Variants in IREB2 observed in about 807,000 individuals in gnomAD.
IREB2 encodes iron responsive element binding protein 2, also known as iron-responsive element-binding protein 2.
IREB2 carries 39 observed loss-of-function variants against 118.8 expected under a neutral mutation model. The observed-to-expected ratio is 0.33, with a 90% confidence interval of 0.25 to 0.43. The LOEUF is 0.43. IREB2 is among the 20% of genes least tolerant of loss of function. The pLI is 1.00. For synonymous variants in IREB2, 372 were observed against 392.2 expected, an observed-to-expected ratio of 0.95 and a Z score of 0.61; for missense variants, 900 against 1,147.3, an observed-to-expected ratio of 0.78 and a Z score of 3.11.
chr15:78,450,412 C>A (rs10519198), intron 2 of IREB2, among the ~76,000 whole-genome samples: 55,509 of 152,106 alleles, frequency 0.36, 10,851 homozygotes, highest in East Asian at 0.48. Context: ...TCAGAACTCA[C>A]TGGAATAGGT....
chr15:78,438,591 G>A, intron 1 of IREB2: 2 of 559,548 alleles, frequency 3.6e-6, no homozygotes, highest in Non-Finnish European at 3.2e-6. Flanking sequence ...CCACCCCACC[G>A]CTGGCCTTGA....
intron 2 of IREB2, among the ~76,000 whole-genome samples, chr15:78,453,086 G>A (rs146733852): frequency 1.6e-4 from 24 of 152,312 alleles, no homozygotes; most frequent in African/African-American, 4.6e-4. Flanking sequence ...AGAGCAAGAC[G>A]CTATCGTGTA....
chr15:78,454,171 G>A (rs2051069230), intron 2 of IREB2, among the ~76,000 whole-genome samples: 2 of 152,172 alleles, frequency 1.3e-5, no homozygotes, highest in Non-Finnish European at 2.9e-5. Context: ...ACGTAGCCCA[G>A]CAATATCATT....
chr15:78,460,226 T>C (rs2051174370), intron 2 of IREB2, among the ~76,000 whole-genome samples: 1 of 152,240 alleles, frequency 6.6e-6, no homozygotes, highest in South Asian at 2.1e-4. Context: ...ACATTGGTGA[T>C]CTTTCAGATT....
intron 21 of IREB2, 51 bp downstream of exon 21, chr15:78,497,362 T>G: frequency 7.8e-7 from 1 of 1,289,516 alleles, no homozygotes; most frequent in Non-Finnish European, 1.1e-6. Context: ...TGTTTATGAA[T>G]TATTGAATAA....
intron 2 of IREB2, among the ~76,000 whole-genome samples, chr15:78,456,351 A>G (rs752818432): frequency 6.6e-6 from 1 of 152,162 alleles, no homozygotes; most frequent in Non-Finnish European, 1.5e-5. Context: ...CTTCTTCATG[A>G]CAAAATGTTG....
chr15:78,498,270 A>G lies in IREB2; in HGVS notation c.*127A>G, dbSNP rs2051874929. 3.6e-6 allele frequency: 2 copies of G among 553,280 alleles called. No individual in the cohort carries two copies. Among genetic ancestry groups the G allele is most frequent in the Admixed American group, 3.5e-5 (1 of 28,744 alleles). The allele number at this position is 553,280 out of a possible 1,614,324, so 34.3% of individuals were successfully genotyped here. ...TCACTTATCTCATCCATGGATGTAA[A>G]TGATGATGAATCAACATAGTAACTG... On this transcript the variant is annotated 3_prime_UTR_variant, in exon 22 of 22. Coordinates refer to ENST00000258886, the MANE Select transcript of IREB2 (RefSeq NM_004136.4).
At chr15:78,466,242 T>A in intron 4 of IREB2, 29 bp from the exon 5 acceptor site, 1 of 1,512,046 alleles carries the variant, frequency 6.6e-7, no homozygotes, top group Non-Finnish European at 9.1e-7. Flanking sequence ...TTTAAATGGC[T>A]TTATTTTGTT....
chr15:78,467,208 CAAA>C (rs377224708), intron 5 of IREB2, among the ~76,000 whole-genome samples: 7 of 99,922 alleles, frequency 7.0e-5, no homozygotes, highest in African/African-American at 9.2e-5. Context: ...GAGACTGTCG[CAAA>C]AAAAAAAAAA....
chr15:78,438,455 G>T, intron 1 of IREB2, 99 bp downstream of exon 1: 3 of 1,369,922 alleles, frequency 2.2e-6, no homozygotes, highest in East Asian at 2.5e-5. Flanking sequence ...CTCGGCAGGC[G>T]CCCAGGCCCT....
chr15:78,498,189 C>G lies in IREB2; in HGVS notation c.*46C>G. On this transcript the variant is annotated 3_prime_UTR_variant, in exon 22 of 22. Transcript: ENST00000258886. ...CTTTCATAACTGGTAACTGCAAAGC[C>G]TTTTGTGCTGGACCCAGGAATCCTT... The G allele has an allele frequency of 9.1e-7, 1 of 1,092,986 alleles. No individual in the cohort carries two copies. The highest frequency in any genetic ancestry group is 1.4e-6 in the Non-Finnish European group (1 of 708,562). The allele number at this position is 1,092,986 out of a possible 1,614,324, so 67.7% of individuals were successfully genotyped here. A position where few individuals can be genotyped will look rare whatever the true frequency, so the allele number is the denominator to read the frequency against.
chr15:78,448,167 C>T (rs1171744930), intron 2 of IREB2, among the ~76,000 whole-genome samples: 1 of 152,196 alleles, frequency 6.6e-6, no homozygotes, highest in East Asian at 1.9e-4. Flanking sequence ...TTATTTGAGA[C>T]AGAGTCTTGC....
At chr15:78,452,523 C>G (rs144971079) in intron 2 of IREB2, among the ~76,000 whole-genome samples, 3 of 152,154 alleles carry the variant, frequency 2.0e-5, no homozygotes, top group Non-Finnish European at 4.4e-5. Context: ...AAGTGAGTCT[C>G]AATATGAACT....
intron 8 of IREB2, 106 bp downstream of exon 8, chr15:78,473,487 T>G: frequency 1.3e-6 from 1 of 791,444 alleles, no homozygotes; most frequent in Non-Finnish European, 2.1e-6. Flanking sequence ...CATCCTCAGG[T>G]CTCTTGACGT....
chr15:78,449,341 CAA>C (rs1236754364), intron 2 of IREB2, among the ~76,000 whole-genome samples: 1 of 152,162 alleles, frequency 6.6e-6, no homozygotes, highest in Non-Finnish European at 1.5e-5. Flanking sequence ...GAAGCATGAA[CAA>C]AAATCTTGAT....
intron 7 of IREB2, among the ~76,000 whole-genome samples, chr15:78,472,506 A>G (rs569877373): frequency 6.6e-6 from 1 of 152,194 alleles, no homozygotes; most frequent in African/African-American, 2.4e-5. Flanking sequence ...AGCTGGGACT[A>G]CAGGCACGTG....
chr15:78,477,941 G>A (rs2051498891), intron 9 of IREB2, among the ~76,000 whole-genome samples: 1 of 151,908 alleles, frequency 6.6e-6, no homozygotes, highest in African/African-American at 2.4e-5. Flanking sequence ...AAATTTATTG[G>A]CGGGGTGTGG....
intron 2 of IREB2, among the ~76,000 whole-genome samples, chr15:78,452,632 C>T (rs1349676456): frequency 6.6e-6 from 1 of 152,096 alleles, no homozygotes; most frequent in African/African-American, 2.4e-5. Flanking sequence ...GGAGGCTTGG[C>T]ATGGTGACCC....
In IREB2 at chr15:78,479,109, A is replaced by AT. The variant is rs898271377; in HGVS notation, c.1296+719dup. Among the ~76,000 whole-genome samples the AT allele has an allele frequency of 2.6e-5, 4 of 151,530 alleles. No individual in the cohort carries two copies. In the East Asian group the frequency reaches 5.8e-4, roughly 22 times the overall value. ...ACCCCTGTTTTGTTTTAATATTACT[A>AT]TTTTTTTAATATTATTATTTTTTGG... On this transcript the variant is annotated intron_variant, in intron 10 of 21. Coordinates refer to ENST00000258886, the MANE Select transcript of IREB2 (RefSeq NM_004136.4).
Sources: gnomAD v4.1 joint callset for allele counts (sites outside exome capture counted in the v4.1 genomes callset) on GRCh38, gnomAD v4.1.1 for gene constraint, MANE v1.5 for transcripts, NCBI Gene and HGNC (gene_info 2026-07-23, HGNC 2026-07-21) for gene names.